The following YEATS4 variants were observed in gnomAD, a reference collection of about 807,000 sequenced individuals.
YEATS4 encodes YEATS domain containing 4.
In YEATS4, 17 loss-of-function variants were observed where a neutral mutation model predicts 30.1. The observed-to-expected ratio is 0.56, with a 90% CI of 0.39 to 0.85. The LOEUF (loss-of-function observed/expected upper bound fraction) is 0.85. Among genes scored for constraint, YEATS4 ranks in the 40% least tolerant of loss-of-function variants. The pLI is 0.00. For missense variants in YEATS4, 142 were observed against 268.3 expected (o/e 0.53, Z 3.29); for synonymous variants, 85 against 87.5 (o/e 0.97, Z 0.16).
chr12:69,371,919 G>A (rs1431557184), intron 6 of YEATS4, among the ~76,000 whole-genome samples: 2 of 152,204 alleles, frequency 1.3e-5, no homozygotes, highest in Non-Finnish European at 2.9e-5. Context: ...AGGGGTAAAG[G>A]AGTGATCTAA....
chr12:69,419,470 C>T, the YEATS4 span, among the ~76,000 whole-genome samples: 6 of 152,072 alleles, frequency 3.9e-5, no homozygotes, highest in Non-Finnish European at 5.9e-5. Flanking sequence ...GATCTTCCTG[C>T]GTTGGCCTCC....
chr12:69,424,627 A>G, the YEATS4 span, among the ~76,000 whole-genome samples: 2 of 152,118 alleles, frequency 1.3e-5, no homozygotes, highest in Middle Eastern at 3.2e-3. Context: ...GATTTCTCCC[A>G]TGCTGTTCTC....
chr12:69,408,172 G>T, the YEATS4 span, among the ~76,000 whole-genome samples: 1 of 152,108 alleles, frequency 6.6e-6, no homozygotes, highest in Non-Finnish European at 1.5e-5. Context: ...ACTACTCCTG[G>T]GAGATACTGT....
chr12:69,391,206 A>T (rs7976537), downstream of YEATS4, among the ~76,000 whole-genome samples: 43,465 of 151,830 alleles, frequency 0.29, 7,543 homozygotes, highest in Non-Finnish European at 0.41. Context: ...AGGCAGGAGA[A>T]TTGCTTGAAC....
intron 6 of YEATS4, among the ~76,000 whole-genome samples, chr12:69,388,134 C>T (rs541061042): frequency 6.6e-6 from 1 of 151,810 alleles, no homozygotes; most frequent in East Asian, 1.9e-4. Flanking sequence ...GATCTCGGCT[C>T]ACTGCAAGCT....
chr12:69,387,627 T>C (rs973858691), intron 6 of YEATS4, among the ~76,000 whole-genome samples: 11 of 152,360 alleles, frequency 7.2e-5, no homozygotes, highest in Admixed American at 4.6e-4. Context: ...CTCTGTGTTA[T>C]AGGGTGAGCT....
chr12:69,412,952 A>G, the YEATS4 span, among the ~76,000 whole-genome samples: 63,052 of 151,898 alleles, frequency 0.42, 14,199 homozygotes, highest in East Asian at 0.62. Flanking sequence ...GGGGAGGGAA[A>G]AGCATGTGCA....
At chr12:69,372,537 G>GTTTTTTTTTTTTTTT (rs71094710) in intron 6 of YEATS4, among the ~76,000 whole-genome samples, 2 of 123,040 alleles carry the variant, frequency 1.6e-5, no homozygotes, top group Admixed American at 9.1e-5. Context: ...TATCTCATGA[G>GTTTTTTTTTTTTTTT]TTTTTTTTTT....
At chr12:69,380,113 T>G (rs1043696091) in intron 6 of YEATS4, among the ~76,000 whole-genome samples, 2 of 152,218 alleles carry the variant, frequency 1.3e-5, no homozygotes, top group Non-Finnish European at 2.9e-5. Context: ...TTAGCTCGTT[T>G]GGTGAGGTCA....
the YEATS4 span, among the ~76,000 whole-genome samples, chr12:69,408,838 AG>A: frequency 2.0e-5 from 3 of 152,188 alleles, no homozygotes; most frequent in Admixed American, 6.5e-5. Flanking sequence ...ATTGTGTGTC[AG>A]GGGCCTTTTC....
At chr12:69,382,437 C>A (rs1034310654) in intron 6 of YEATS4, among the ~76,000 whole-genome samples, 3 of 148,196 alleles carry the variant, frequency 2.0e-5, no homozygotes, top group African/African-American at 5.0e-5. Context: ...TTCTTCCCTC[C>A]CCTTTTTCCA....
At chr12:69,405,516 T>G in the YEATS4 span, among the ~76,000 whole-genome samples, 4 of 152,212 alleles carry the variant, frequency 2.6e-5, no homozygotes, top group African/African-American at 9.7e-5. Context: ...GGCTTCTCTT[T>G]GGCATATTCA....
At chr12:69,369,147 C>T (rs1875549094) in intron 4 of YEATS4, among the ~76,000 whole-genome samples, 1 of 152,104 alleles carries the variant, frequency 6.6e-6, no homozygotes, top group African/African-American at 2.4e-5. Flanking sequence ...AAGAAAACTG[C>T]TTTTTAACAG....
chr12:69,407,186 G>A, the YEATS4 span, among the ~76,000 whole-genome samples: 1 of 150,188 alleles, frequency 6.7e-6, no homozygotes, highest in African/African-American at 2.5e-5. Flanking sequence ...GAATAGGAAC[G>A]GCTCAAGACG....
the YEATS4 span, among the ~76,000 whole-genome samples, chr12:69,426,230 G>A: frequency 1.3e-5 from 2 of 152,130 alleles, no homozygotes; most frequent in Non-Finnish European, 2.9e-5. Flanking sequence ...GACAGAGTGA[G>A]ACCCTATCTC....
At chr12:69,416,728 G>A in the YEATS4 span, among the ~76,000 whole-genome samples, 1 of 152,202 alleles carries the variant, frequency 6.6e-6, no homozygotes, top group Non-Finnish European at 1.5e-5. Context: ...TCAATGCCCA[G>A]TGCTTAATTT....
At chr12:69,405,273 T>C in the YEATS4 span, among the ~76,000 whole-genome samples, 1 of 152,246 alleles carries the variant, frequency 6.6e-6, no homozygotes, top group African/African-American at 2.4e-5. Context: ...CTATGTTCTT[T>C]CCTATGCATA....
the YEATS4 span, among the ~76,000 whole-genome samples, chr12:69,400,697 TAAA>T: frequency 1.5e-5 from 2 of 135,180 alleles, no homozygotes; most frequent in East Asian, 4.2e-4. Flanking sequence ...TTAAAAAGTT[TAAA>T]AAAAAAAAAA....
intron 6 of YEATS4, among the ~76,000 whole-genome samples, chr12:69,374,246 T>G (rs1480265044): frequency 6.6e-6 from 1 of 152,178 alleles, no homozygotes; most frequent in African/African-American, 2.4e-5. Flanking sequence ...CAATATTGAT[T>G]TTCCAGTTCA....
Sources: gnomAD v4.1 joint callset for allele counts (sites outside exome capture counted in the v4.1 genomes callset) on GRCh38, gnomAD v4.1.1 for gene constraint, MANE v1.5 for transcripts, NCBI Gene and HGNC (gene_info 2026-07-23, HGNC 2026-07-21) for gene names.